The following RIMKLB variants were observed in gnomAD, a reference collection of about 807,000 sequenced individuals.
RIMKLB encodes the protein beta-citrylglutamate synthase B.
In RIMKLB, 7 loss-of-function variants were observed where a neutral mutation model predicts 32.0. That is an observed-to-expected ratio of 0.22 (90% confidence interval 0.12 to 0.41). The LOEUF (loss-of-function observed/expected upper bound fraction) is 0.41, where lower values mean the gene tolerates loss of function less well. RIMKLB is among the 10% of genes least tolerant of loss of function. The pLI is 1.00. For missense variants in RIMKLB, 289 were observed against 498.7 expected (o/e 0.58, Z 4.00); for synonymous variants, 172 against 185.1 (o/e 0.93, Z 0.57).
At position 8,775,098 on chromosome 12, in the gene RIMKLB, GTT is replaced by G; in HGVS notation, c.*1315_*1316del. 1.0e-6 allele frequency: 1 copy of G among 985,628 alleles called. No individual in the cohort carries two copies. Among genetic ancestry groups the G allele is most frequent in the East Asian group, 1.1e-4 (1 of 8,814 alleles). The allele number at this position is 985,628 out of a possible 1,614,324, so 61.1% of individuals were successfully genotyped here. A position where few individuals can be genotyped will look rare whatever the true frequency, so the allele number is the denominator to read the frequency against. On this transcript the variant is annotated 3_prime_UTR_variant, in exon 6 of 6. Transcript: ENST00000535829. Reference sequence around the variant, plus strand: ...TTTAGGCCTTTTTGTGTATATGTACGTTGTTTGTTTTTTTCCTTTTGTTTCTA... The same window carrying G: ...TTTAGGCCTTTTTGTGTATATGTACGGTTTGTTTTTTTCCTTTTGTTTCTA...
chr12:8,670,041 A>AG, the RIMKLB span, among the ~76,000 whole-genome samples: 3 of 150,862 alleles, frequency 2.0e-5, no homozygotes. Context: ...AAAAAAAAAA[A>AG]AAAAAAAAAA....
At chr12:8,751,452 G>A (rs926264561) in intron 3 of RIMKLB, among the ~76,000 whole-genome samples, 2 of 152,142 alleles carry the variant, frequency 1.3e-5, no homozygotes, top group Non-Finnish European at 2.9e-5. Context: ...AGGATGCTTA[G>A]TTACCCTAGT....
chr12:8,717,624 TA>T (rs1944991262), intron 2 of RIMKLB, among the ~76,000 whole-genome samples: 1 of 152,218 alleles, frequency 6.6e-6, no homozygotes, highest in Non-Finnish European at 1.5e-5. Context: ...AGATATAATG[TA>T]AAAGGCTTGT....
chr12:8,772,293 T>C (rs1950472992), intron 5 of RIMKLB, among the ~76,000 whole-genome samples: 1 of 152,278 alleles, frequency 6.6e-6, no homozygotes, highest in Non-Finnish European at 1.5e-5. Flanking sequence ...TGAGTTTCTC[T>C]ATTGGATTTT....
chr12:8,748,010 C>T (rs1425351223), intron 2 of RIMKLB, among the ~76,000 whole-genome samples: 16 of 152,168 alleles, frequency 1.1e-4, no homozygotes, highest in Admixed American at 9.2e-4. Context: ...CCCGCCTCTG[C>T]CTCCCAAAGT....
chr12:8,691,269 G>C (rs1246696022), intron 1 of RIMKLB, among the ~76,000 whole-genome samples: 1 of 152,076 alleles, frequency 6.6e-6, no homozygotes, highest in Non-Finnish European at 1.5e-5. Flanking sequence ...GGGACTATAG[G>C]CATGTGCCAC....
intron 5 of RIMKLB, among the ~76,000 whole-genome samples, chr12:8,759,735 A>C (rs1640018398): frequency 6.6e-6 from 1 of 152,180 alleles, no homozygotes; most frequent in Non-Finnish European, 1.5e-5. Context: ...TCCCCAGTTG[A>C]GAACCACTGC....
chr12:8,772,453 T>C (rs1226344130), intron 5 of RIMKLB, among the ~76,000 whole-genome samples: 3 of 152,244 alleles, frequency 2.0e-5, no homozygotes, highest in Non-Finnish European at 4.4e-5. Flanking sequence ...CAGCTTGGGT[T>C]ATTTGTAGTA....
At chr12:8,730,358 G>T (rs930495133) in intron 2 of RIMKLB, among the ~76,000 whole-genome samples, 4 of 152,192 alleles carry the variant, frequency 2.6e-5, no homozygotes, top group Non-Finnish European at 5.9e-5. Context: ...AAAGTGCTGG[G>T]ATTACAGGCA....
downstream of RIMKLB, chr12:8,777,578 G>C (rs1486041746): frequency 1.6e-6 from 2 of 1,285,762 alleles, no homozygotes; most frequent in African/African-American, 1.5e-5. Flanking sequence ...CACTGTTACT[G>C]TTCTTTACCA....
chr12:8,767,178 A>T (rs1950038321), intron 5 of RIMKLB, among the ~76,000 whole-genome samples: 1 of 152,240 alleles, frequency 6.6e-6, no homozygotes, highest in Non-Finnish European at 1.5e-5. Context: ...CTTTTAAAGG[A>T]ATAGGGCACA....
chr12:8,674,745 T>C, the RIMKLB span, among the ~76,000 whole-genome samples: 1 of 152,122 alleles, frequency 6.6e-6, no homozygotes. Flanking sequence ...AGATGGGGTT[T>C]CACCATGTTG....
At chr12:8,739,322 A>C (rs188885208) in intron 2 of RIMKLB, among the ~76,000 whole-genome samples, 9 of 152,264 alleles carry the variant, frequency 5.9e-5, no homozygotes, top group African/African-American at 1.9e-4. Context: ...GCATGTGTAC[A>C]AGCTCTCATC....
chr12:8,771,510 T>C (rs1162474555), intron 5 of RIMKLB, among the ~76,000 whole-genome samples: 3 of 152,210 alleles, frequency 2.0e-5, no homozygotes, highest in African/African-American at 7.2e-5. Flanking sequence ...ATATCACACA[T>C]CTTTCTCCTT....
At chr12:8,770,311 C>G (rs1950305417) in intron 5 of RIMKLB, among the ~76,000 whole-genome samples, 1 of 152,144 alleles carries the variant, frequency 6.6e-6, no homozygotes, top group African/African-American at 2.4e-5. Flanking sequence ...AGACAGAAAT[C>G]CCTAGTCTCA....
chr12:8,708,047 T>TTAAGA (rs1260172345), intron 1 of RIMKLB, among the ~76,000 whole-genome samples: 1 of 152,232 alleles, frequency 6.6e-6, no homozygotes, highest in Non-Finnish European at 1.5e-5. Context: ...TTCCACTGTG[T>TTAAGA]GTTACAGTAG....
chr12:8,720,546 G>A (rs763916216), intron 2 of RIMKLB, among the ~76,000 whole-genome samples: 11 of 151,968 alleles, frequency 7.2e-5, no homozygotes, highest in African/African-American at 1.9e-4. Context: ...ATTATCCCTC[G>A]TGTGTGTGTG....
the RIMKLB span, among the ~76,000 whole-genome samples, chr12:8,674,288 G>T: frequency 6.8e-6 from 1 of 147,308 alleles, no homozygotes; most frequent in Non-Finnish European, 1.5e-5. Context: ...GCCCAGGCTG[G>T]AGTGCAGTGG....
chr12:8,736,660 T>G (rs1202485057), intron 2 of RIMKLB, among the ~76,000 whole-genome samples: 1 of 151,798 alleles, frequency 6.6e-6, no homozygotes, highest in Admixed American at 6.6e-5. Flanking sequence ...TTTGTTTGTT[T>G]TTTGTGGAGA....
Sources: allele counts gnomAD v4.1 joint callset (sites outside exome capture counted in the v4.1 genomes callset), GRCh38; gene constraint gnomAD v4.1.1; transcripts MANE v1.5; gene names NCBI Gene and HGNC (gene_info 2026-07-23, HGNC 2026-07-21).